The following NEAT1 variants were observed in gnomAD, a reference collection of about 807,000 sequenced individuals.
NEAT1 encodes the protein nuclear paraspeckle assembly transcript 1.
At chr11:65,426,215 ATCTT>A (rs1222263217) in exon 1 of NEAT1, 1 of 151,984 alleles carries the variant, frequency 6.6e-6, no homozygotes, top group Non-Finnish European at 1.5e-5. Context: ...TATCGTTGGG[ATCTT>A]TCTGTCTTCT....
exon 1 of NEAT1, chr11:65,429,329 C>G (rs1186002690): frequency 6.6e-6 from 1 of 152,184 alleles, no homozygotes; most frequent in Non-Finnish European, 1.5e-5. Flanking sequence ...GTGAGGCAAA[C>G]CTGATGCCTT....
At chr11:65,425,111 TAGTA>T (rs938219271) in exon 1 of NEAT1, 4 of 152,106 alleles carry the variant, frequency 2.6e-5, no homozygotes, top group Non-Finnish European at 4.4e-5. Flanking sequence ...TAATTAATAA[TAGTA>T]AGTTGTTAGT....
At chr11:65,437,154 A>C (rs926815111) in exon 1 of NEAT1, 1 of 145,482 alleles carries the variant, frequency 6.9e-6, no homozygotes, top group Middle Eastern at 3.6e-3. Context: ...CTAATCTTTA[A>C]GTTTTATTGT....
chr11:65,441,178 G>T (rs373540611), exon 1 of NEAT1: 1 of 152,152 alleles, frequency 6.6e-6, no homozygotes, highest in Non-Finnish European at 1.5e-5. Context: ...TGTGAGCAAG[G>T]GGAGCTGCTG....
At chr11:65,444,523 G>A (rs368138070) in exon 1 of NEAT1, 2 of 495,744 alleles carry the variant, frequency 4.0e-6, no homozygotes, top group South Asian at 1.5e-5. Context: ...GGCTCCAGGG[G>A]CCCTCCCTCC....
exon 1 of NEAT1, chr11:65,435,990 CA>C (rs1856654882): frequency 6.6e-6 from 1 of 152,240 alleles, no homozygotes; most frequent in East Asian, 1.9e-4. Flanking sequence ...TCTTAAGTGG[CA>C]TCCTGGTCTG....
exon 1 of NEAT1, chr11:65,429,996 C>T (rs1415860000): frequency 6.6e-6 from 1 of 152,324 alleles, no homozygotes; most frequent in East Asian, 1.9e-4. Context: ...CTGGTTGTTG[C>T]TTGTCCCTGA....
chr11:65,424,830 A>G (rs1443621150), exon 1 of NEAT1: 2 of 152,084 alleles, frequency 1.3e-5, no homozygotes, highest in Non-Finnish European at 2.9e-5. Context: ...AGATTTCATA[A>G]TACTTTCTTG....
chr11:65,432,290 CTTTATAA>C (rs1394627417), exon 1 of NEAT1: 1 of 152,128 alleles, frequency 6.6e-6, no homozygotes, highest in African/African-American at 2.4e-5. Flanking sequence ...TCATATTGAC[CTTTATAA>C]TGATCATGAA....
exon 1 of NEAT1, chr11:65,438,159 A>G (rs1161430832): frequency 6.6e-6 from 1 of 152,144 alleles, no homozygotes; most frequent in Admixed American, 6.5e-5. Flanking sequence ...TTTACAAAAT[A>G]TGTTGCCATG....
exon 1 of NEAT1, chr11:65,433,395 T>C (rs1008124703): frequency 6.6e-6 from 1 of 152,196 alleles, no homozygotes; most frequent in African/African-American, 2.4e-5. Flanking sequence ...ATATTCTCTC[T>C]GTTGGAACTC....
chr11:65,427,115 G>C (rs7943779), exon 1 of NEAT1: 8 of 152,362 alleles, frequency 5.3e-5, no homozygotes, highest in Admixed American at 2.0e-4. Flanking sequence ...GCAGGATCAC[G>C]TGGAATCTGG....
chr11:65,435,319 G>A (rs1856649072), exon 1 of NEAT1: 2 of 152,108 alleles, frequency 1.3e-5, no homozygotes, highest in African/African-American at 4.8e-5. Flanking sequence ...AACTACTAAT[G>A]ACAACTTCAT....
At chr11:65,441,656 A>G (rs1225065703) in exon 1 of NEAT1, 2 of 152,052 alleles carry the variant, frequency 1.3e-5, no homozygotes, top group Admixed American at 1.3e-4. Flanking sequence ...TTCGTTTTTA[A>G]TAAGACTTTC....
chr11:65,444,148 G>A, exon 1 of NEAT1: 1 of 265,458 alleles, frequency 3.8e-6, no homozygotes, highest in South Asian at 3.4e-5. Flanking sequence ...AGGGATGATG[G>A]GGCTTGAGCA....
chr11:65,444,164 G>C (rs1856741777), exon 1 of NEAT1: 2 of 284,500 alleles, frequency 7.0e-6, no homozygotes, highest in Non-Finnish European at 1.4e-5. Flanking sequence ...GAGCAAAGTG[G>C]GGGAGGGGGC....
chr11:65,438,380 T>C (rs1856684410), exon 1 of NEAT1: 1 of 152,226 alleles, frequency 6.6e-6, no homozygotes, highest in South Asian at 2.1e-4. Context: ...TTTTTCCTTC[T>C]AAATATTGAG....
At chr11:65,444,233 T>TGGCTCGGA (rs1856742292) in exon 1 of NEAT1, 1 of 330,942 alleles carries the variant, frequency 3.0e-6, no homozygotes, top group African/African-American at 2.2e-5. Context: ...CCTGCAGACC[T>TGGCTCGGA]GGCTCGGAGC....
exon 1 of NEAT1, chr11:65,441,797 G>A (rs115242980): frequency 1.1e-3 from 172 of 152,206 alleles, no homozygotes; most frequent in African/African-American, 4.0e-3. Context: ...GGATTTTGTT[G>A]TGTTACTCTT....
Sources: gnomAD v4.1 joint callset for allele counts on GRCh38, gnomAD v4.1.1 for gene constraint, MANE v1.5 for transcripts, NCBI Gene and HGNC (gene_info 2026-07-23, HGNC 2026-07-21) for gene names.